LUZP2: variants seen among roughly 807,000 people sequenced by gnomAD.
The protein encoded by LUZP2 is leucine zipper protein 2.
In LUZP2, 52 loss-of-function variants were observed where a neutral mutation model predicts 51.6. The observed-to-expected ratio is 1.01, with a 90% confidence interval of 0.81 to 1.27. The LOEUF is 1.27. Among genes scored for constraint, LUZP2 ranks in the 50% most tolerant of loss-of-function variants. LUZP2 has a pLI of 0.00. For missense variants in LUZP2, 436 were observed against 395.4 expected (o/e 1.10, Z -0.87); for synonymous variants, 154 against 137.3 (o/e 1.12, Z -0.85).
At chr11:24,498,631 G>C (rs1849901201) in intron 1 of LUZP2, among the ~76,000 whole-genome samples, 1 of 152,162 alleles carries the variant, frequency 6.6e-6, no homozygotes, top group African/African-American at 2.4e-5. Flanking sequence ...AAGAAAACCA[G>C]TTTGCTTCCC....
chr11:24,621,243 A>G (rs1242642187), intron 1 of LUZP2, among the ~76,000 whole-genome samples: 2 of 152,220 alleles, frequency 1.3e-5, no homozygotes, highest in African/African-American at 4.8e-5. Context: ...ATCTTGGTTA[A>G]TTCCTTGTTG....
chr11:24,892,996 T>C (rs1430866633), intron 5 of LUZP2: 1 of 152,186 alleles, frequency 6.6e-6, no homozygotes, highest in Non-Finnish European at 1.5e-5. Flanking sequence ...TTGTCACATA[T>C]TTATAATTGT....
chr11:25,037,540 T>C (rs1404219209), intron 9 of LUZP2, among the ~76,000 whole-genome samples: 3 of 152,196 alleles, frequency 2.0e-5, no homozygotes, highest in Non-Finnish European at 4.4e-5. Flanking sequence ...GTGTAGTTAG[T>C]TGCTTTGTAG....
chr11:24,642,172 G>C (rs1162775802), intron 1 of LUZP2, among the ~76,000 whole-genome samples: 1 of 151,806 alleles, frequency 6.6e-6, no homozygotes, highest in Non-Finnish European at 1.5e-5. Context: ...ACAGGTGTGA[G>C]CCACCTCGCC....
intron 9 of LUZP2, among the ~76,000 whole-genome samples, chr11:25,036,843 A>T (rs1446206): frequency 0.38 from 56,946 of 151,442 alleles, 13,168 homozygotes; most frequent in East Asian, 0.77. Flanking sequence ...TTTCATTTTT[A>T]AAAAAAAATT....
chr11:24,786,330 G>C (rs1191578119), intron 5 of LUZP2: 1 of 981,934 alleles, frequency 1.0e-6, no homozygotes, highest in Non-Finnish European at 1.2e-6. Context: ...GAAAAAAGTA[G>C]TCAGAATTCA....
intron 5 of LUZP2, among the ~76,000 whole-genome samples, chr11:24,784,347 A>C (rs965234282): frequency 7.2e-5 from 11 of 151,926 alleles, no homozygotes; most frequent in African/African-American, 2.7e-4. Context: ...TCATTAAAAA[A>C]TGTTTTTTTG....
chr11:24,661,996 C>G (rs1856036735), intron 1 of LUZP2, among the ~76,000 whole-genome samples: 2 of 151,982 alleles, frequency 1.3e-5, no homozygotes, highest in Admixed American at 1.3e-4. Flanking sequence ...GGCAGATTTT[C>G]CACAATCACC....
At position 24,809,147 on chromosome 11, in the gene LUZP2, G is replaced by A. The variant is rs535239428; in HGVS notation, c.396+45839G>A. Among the ~76,000 whole-genome samples the A allele has an allele frequency of 2.6e-5, 4 of 152,262 alleles. No homozygotes were observed. In the South Asian group the frequency reaches 8.3e-4, roughly 32 times the overall value. ...TAACAAAAGAGATCTGTATTCCAAA[G>A]TGAGCTGTATAATTGATTAAATGTA... On this transcript the variant is annotated intron_variant, in intron 5 of 11. Coordinates refer to ENST00000336930, the MANE Select transcript of LUZP2 (RefSeq NM_001009909.4).
intron 1 of LUZP2, among the ~76,000 whole-genome samples, chr11:24,609,852 G>A (rs1854058742): frequency 6.6e-6 from 1 of 151,992 alleles, no homozygotes; most frequent in Admixed American, 6.6e-5. Flanking sequence ...AGAGCCTGCT[G>A]GAGGTCACAG....
At chr11:24,620,585 A>C (rs1054433162) in intron 1 of LUZP2, among the ~76,000 whole-genome samples, 2 of 152,172 alleles carry the variant, frequency 1.3e-5, no homozygotes, top group African/African-American at 4.8e-5. Context: ...AAAATGTCAA[A>C]ATCCTAAATT....
At chr11:24,850,857 T>C (rs1054464346) in intron 5 of LUZP2, among the ~76,000 whole-genome samples, 1 of 152,178 alleles carries the variant, frequency 6.6e-6, no homozygotes, top group Non-Finnish European at 1.5e-5. Context: ...GTTGTATTCC[T>C]AGGTATTTTA....
At chr11:24,943,861 G>C (rs1162537882) in intron 7 of LUZP2, among the ~76,000 whole-genome samples, 1 of 136,582 alleles carries the variant, frequency 7.3e-6, no homozygotes, top group African/African-American at 2.9e-5. Flanking sequence ...CTGGGCGACA[G>C]AGGGAGACTC....
At chr11:24,967,561 A>G (rs564873979) in intron 7 of LUZP2, among the ~76,000 whole-genome samples, 112 of 151,706 alleles carry the variant, frequency 7.4e-4, no homozygotes, top group African/African-American at 2.7e-3. Flanking sequence ...GGCCCTGTTC[A>G]TGTTTCTTCA....
intron 1 of LUZP2, among the ~76,000 whole-genome samples, chr11:24,667,490 T>A (rs905136136): frequency 2.0e-5 from 3 of 152,132 alleles, no homozygotes; most frequent in African/African-American, 7.2e-5. Flanking sequence ...CACCACATGT[T>A]CTTAAATGTA....
At position 24,618,955 on chromosome 11, in the gene LUZP2, A is replaced by G. The variant is rs538343670; in HGVS notation, c.63-110214A>G. 4.6e-5 allele frequency among the ~76,000 whole-genome samples: 7 copies of G among 152,222 alleles called. No individual in the cohort carries two copies. In the East Asian group the frequency reaches 1.4e-3, roughly 29 times the overall value. On this transcript the variant is annotated intron_variant, in intron 1 of 11. Coordinates refer to ENST00000336930, the MANE Select transcript of LUZP2 (RefSeq NM_001009909.4). ...TGCTTCAGCTAGAAGTTTTCACTAT[A>G]TTACTGAAAAATTCTTATGTATTTA...
chr11:25,017,376 C>G (rs1283187633), intron 9 of LUZP2, among the ~76,000 whole-genome samples: 2 of 151,990 alleles, frequency 1.3e-5, no homozygotes. Context: ...CCTAGATTTT[C>G]TTTTAGTGTT....
intron 9 of LUZP2, among the ~76,000 whole-genome samples, chr11:24,991,031 CTT>C (rs1042034872): frequency 2.6e-5 from 4 of 151,770 alleles, no homozygotes; most frequent in African/African-American, 7.3e-5. Context: ...TGAGTAAGTT[CTT>C]TAGCAGTGAT....
rs1327713711 is a variant in LUZP2, at chr11:24,991,394, G to GTATATA, written c.765+8102_765+8103insATATAT. Reference sequence around the variant, plus strand: ...TATATATATGTGTGTGTGTGTGTGTGTGTATATATATATATATATATATAT... The same window carrying GTATATA: ...TATATATATGTGTGTGTGTGTGTGTGTATATATGTATATATATATATATATATATAT... On this transcript the variant is annotated intron_variant, in intron 9 of 11. Transcript: ENST00000336930. Among the ~76,000 whole-genome samples, 476 of 109,340 alleles carry GTATATA rather than the reference G, an allele frequency of 4.4e-3. 3 individuals are homozygous for GTATATA. The highest frequency in any genetic ancestry group is 0.011 in the South Asian group (38 of 3,366). The allele number at this position is 109,340 out of a possible 152,430, so 71.7% of individuals were successfully genotyped here. A position where few individuals can be genotyped will look rare whatever the true frequency, so the allele number is the denominator to read the frequency against.
Sources: gnomAD v4.1 joint callset for allele counts (sites outside exome capture counted in the v4.1 genomes callset) on GRCh38, gnomAD v4.1.1 for gene constraint, MANE v1.5 for transcripts, NCBI Gene and HGNC (gene_info 2026-07-23, HGNC 2026-07-21) for gene names.